The following XRCC5 variants were observed in gnomAD, a reference collection of about 807,000 sequenced individuals.
XRCC5 encodes the protein X-ray repair cross complementing 5, also known as DNA repair protein Ku80.
XRCC5 carries 12 observed loss-of-function variants against 95.7 expected under a neutral mutation model. That is an observed-to-expected ratio of 0.13 (90% CI 0.08 to 0.20). The LOEUF (loss-of-function observed/expected upper bound fraction) is 0.20. Ranked by LOEUF, XRCC5 falls within the 10% of genes least tolerant of loss-of-function variation. The pLI is 1.00. For missense variants in XRCC5, 595 were observed against 873.9 expected (o/e 0.68, Z 4.02); for synonymous variants, 281 against 290.3 (o/e 0.97, Z 0.33).
At chr2:216,121,855 G>A (rs41407547) in intron 5 of XRCC5, among the ~76,000 whole-genome samples, 81 of 152,278 alleles carry the variant, frequency 5.3e-4, no homozygotes, top group Non-Finnish European at 1.0e-3. Context: ...ACTTGGTTAT[G>A]TAGTAGCCAG....
At chr2:216,163,439 AC>A (rs1486555905) in intron 16 of XRCC5, among the ~76,000 whole-genome samples, 3 of 151,590 alleles carry the variant, frequency 2.0e-5, no homozygotes, top group Non-Finnish European at 4.4e-5. Context: ...ACAGTTGCAT[AC>A]CCCCACGCCC....
rs532007858 is a variant in XRCC5, at chr2:216,126,907, CT to C, written c.799-617del. Reference sequence around the variant, plus strand: ...GATTTCTGACACAGATATATTGCTTCTTTTTTTTTTTTCTATTGGAAACTAT... The same window carrying C: ...GATTTCTGACACAGATATATTGCTTCTTTTTTTTTTTCTATTGGAAACTAT... On this transcript the variant is annotated intron_variant, in intron 7 of 20. Transcript: ENST00000392132. Among the ~76,000 whole-genome samples, 1,292 of 144,762 alleles carry C rather than the reference CT, an allele frequency of 8.9e-3. 20 individuals are homozygous for C. Among genetic ancestry groups the C allele is most frequent in the South Asian group, 0.011 (49 of 4,568 alleles). The allele number at this position is 144,762 out of a possible 152,430, so 95.0% of individuals were successfully genotyped here.
intron 2 of XRCC5, among the ~76,000 whole-genome samples, chr2:216,114,534 G>A (rs958428171): frequency 2.6e-5 from 4 of 151,858 alleles, no homozygotes; most frequent in Non-Finnish European, 5.9e-5. Context: ...CGAGAATGTT[G>A]GGCATTTGTG....
chr2:216,121,951 A>C, intron 5 of XRCC5, 111 bp from the exon 6 acceptor site: 1 of 989,946 alleles, frequency 1.0e-6, no homozygotes, highest in Non-Finnish European at 1.4e-6. Context: ...GTCGTTTGAC[A>C]GATGAGAAAT....
At chr2:216,145,899 C>T (rs1411480023) in intron 13 of XRCC5, among the ~76,000 whole-genome samples, 1 of 152,138 alleles carries the variant, frequency 6.6e-6, no homozygotes, top group Non-Finnish European at 1.5e-5. Context: ...AGGTAGTCTG[C>T]TATGTTGGGT....
intron 16 of XRCC5, among the ~76,000 whole-genome samples, chr2:216,178,907 C>T (rs1353060613): frequency 6.6e-6 from 1 of 152,190 alleles, no homozygotes; most frequent in Non-Finnish European, 1.5e-5. Context: ...GAGGCCTACA[C>T]CATTTATTCA....
chr2:216,131,146 A>C, intron 9 of XRCC5, 159 bp downstream of exon 9: 1 of 982,066 alleles, frequency 1.0e-6, no homozygotes, highest in Non-Finnish European at 1.2e-6. Flanking sequence ...TATTTTATAC[A>C]TTGGGAAACT....
rs1689587259 is a variant in XRCC5, at chr2:216,190,125, G to T, written c.1835-100G>T. ...GGCAATTGTGCTTGCTGACCATGAG[G>T]CTTGTGAACTATAATACATACTTAT... On this transcript the variant is annotated intron_variant, in intron 16 of 20. Coordinates refer to ENST00000392132, the MANE Select transcript of XRCC5 (RefSeq NM_021141.4). 5 of 904,164 alleles carry T rather than the reference G, an allele frequency of 5.5e-6. No individual in the cohort carries two copies. In the East Asian group the frequency reaches 1.3e-4, roughly 24 times the overall value. 56.0% of individuals were successfully genotyped at this position (904,164 alleles called of 1,614,324 possible). A position where few individuals can be genotyped will look rare whatever the true frequency, so the allele number is the denominator to read the frequency against.
At chr2:216,141,114 C>G (rs1247692641) in intron 12 of XRCC5, 72 bp from the exon 13 acceptor site, 3 of 1,576,740 alleles carry the variant, frequency 1.9e-6, no homozygotes, top group African/African-American at 1.4e-5. Flanking sequence ...GTGGATATCT[C>G]TACGTAGAAA....
chr2:216,197,305 T>A (rs1021788332), intron 19 of XRCC5, among the ~76,000 whole-genome samples: 24 of 152,096 alleles, frequency 1.6e-4, no homozygotes, highest in Admixed American at 2.0e-4. Flanking sequence ...ATAATTCTGA[T>A]ATCAGAACTG....
intron 16 of XRCC5, among the ~76,000 whole-genome samples, chr2:216,180,622 G>A (rs551036018): frequency 6.6e-6 from 1 of 152,016 alleles, no homozygotes; most frequent in African/African-American, 2.4e-5. Context: ...GCAAGACTCT[G>A]TCTTAAAAAG....
chr2:216,172,469 C>CTTTTTTTTTTTTTTTTTTTTTTTTTTTTT lies in XRCC5; in HGVS notation c.1834+10438_1834+10439insTTTTTTTTTTTTTTTTTTTTTTTTTTTTT, dbSNP rs746493174. Among the ~76,000 whole-genome samples, 3 of 107,800 alleles carry CTTTTTTTTTTTTTTTTTTTTTTTTTTTTT rather than the reference C, an allele frequency of 2.8e-5. 1 individual carries two copies. The highest frequency in any genetic ancestry group is 3.9e-5 in the African/African-American group (1 of 25,470). The allele number at this position is 107,800 out of a possible 152,430, so 70.7% of individuals were successfully genotyped here. ...AAACTTTAGCATCAGCTTTTCTTTT[C>CTTTTTTTTTTTTTTTTTTTTTTTTTTTTT]TTTTTTTTTTTTTTTTTGAGACAAA... On this transcript the variant is annotated intron_variant, in intron 16 of 20. Transcript: ENST00000392132.
intron 14 of XRCC5, among the ~76,000 whole-genome samples, chr2:216,159,334 C>T (rs1379952117): frequency 6.6e-6 from 1 of 152,120 alleles, no homozygotes; most frequent in Non-Finnish European, 1.5e-5. Context: ...ATTAACTTGA[C>T]CTCCTCTTGA....
Position 216,116,831 on chromosome 2 carries a change from A to G in XRCC5, c.308A>G (p.Gln103Arg). 6.2e-7 allele frequency: 1 copy of G among 1,614,088 alleles called. No homozygotes were observed. The highest frequency in any genetic ancestry group is 8.5e-7 in the Non-Finnish European group (1 of 1,179,940). ...GAAAGCAAAATCCAACCAGGTTCTC[A>G]ACAGGCTGACTGTATCCTTTTTCTG... Reference protein sequence around the residue: ...DIESKIQPGSQQADFLDALIV... With the variant: ...DIESKIQPGSRQADFLDALIV... Residue 103 changes from glutamine (Q) to arginine (R), a missense_variant, in exon 3 of 21, where the codon CAA becomes CGA. Gln to Arg is a conservative substitution (Grantham distance 43). Coordinates refer to ENST00000392132, the MANE Select transcript of XRCC5 (RefSeq NM_021141.4).
intron 1 of XRCC5, among the ~76,000 whole-genome samples, chr2:216,110,889 C>T (rs772283075): frequency 6.8e-5 from 10 of 147,456 alleles, no homozygotes; most frequent in Admixed American, 4.0e-4. Flanking sequence ...TTTATTAGCA[C>T]GTTTTTTTTT....
intron 7 of XRCC5, among the ~76,000 whole-genome samples, 184 bp from the exon 8 acceptor site, chr2:216,127,352 T>C (rs1236843137): frequency 6.6e-6 from 1 of 152,224 alleles, no homozygotes; most frequent in African/African-American, 2.4e-5. Flanking sequence ...GTAGAGAAGG[T>C]TATCCAGTAT....
chr2:216,120,670 C>T (rs546133205), intron 5 of XRCC5, among the ~76,000 whole-genome samples: 2 of 152,084 alleles, frequency 1.3e-5, no homozygotes, highest in African/African-American at 2.4e-5. Context: ...AACCTCCTAC[C>T]GGAGCCTTCT....
At chr2:216,180,705 A>G (rs1689369316) in intron 16 of XRCC5, among the ~76,000 whole-genome samples, 1 of 152,204 alleles carries the variant, frequency 6.6e-6, no homozygotes, top group South Asian at 2.1e-4. Context: ...AAAGAAGGGC[A>G]TTCTAAGGAA....
intron 12 of XRCC5, among the ~76,000 whole-genome samples, chr2:216,140,413 T>C (rs897396472): frequency 1.5e-4 from 23 of 152,210 alleles, no homozygotes; most frequent in African/African-American, 5.5e-4. Flanking sequence ...CACACAGTAG[T>C]TTAGGCAGAA....
Sources: allele counts gnomAD v4.1 joint callset (sites outside exome capture counted in the v4.1 genomes callset), GRCh38; gene constraint gnomAD v4.1.1; transcripts MANE v1.5; gene names NCBI Gene and HGNC (gene_info 2026-07-23, HGNC 2026-07-21).